NUMB: variants seen among roughly 807,000 people sequenced by gnomAD.
NUMB encodes the protein NUMB endocytic adaptor protein.
In NUMB, 29 loss-of-function variants were observed where a neutral mutation model predicts 59.7. The ratio of observed to expected loss-of-function variants is 0.49; its 90% CI spans 0.36 to 0.66. The LOEUF (loss-of-function observed/expected upper bound fraction) is 0.66, where lower values mean the gene tolerates loss of function less well. Among genes scored for constraint, NUMB ranks in the 30% least tolerant of loss-of-function variants. NUMB has a pLI of 0.00. For missense variants in NUMB, 723 were observed against 822.0 expected (o/e 0.88, Z 1.47); for synonymous variants, 288 against 288.2 (o/e 1.00, Z 0.01).
At chr14:73,307,176 G>A (rs1259808380) in intron 6 of NUMB, among the ~76,000 whole-genome samples, 1 of 152,122 alleles carries the variant, frequency 6.6e-6, no homozygotes, top group Non-Finnish European at 1.5e-5. Flanking sequence ...GGGTGTGGTG[G>A]CGGGCACCTG....
At chr14:73,441,345 C>T (rs1409868973) in intron 1 of NUMB, among the ~76,000 whole-genome samples, 1 of 151,922 alleles carries the variant, frequency 6.6e-6, no homozygotes, top group East Asian at 1.9e-4. Flanking sequence ...ATCAGGAATT[C>T]GAGTCCAACC....
intron 1 of NUMB, among the ~76,000 whole-genome samples, chr14:73,435,709 C>T (rs1898026025): frequency 6.6e-6 from 1 of 151,812 alleles, no homozygotes; most frequent in African/African-American, 2.4e-5. Context: ...ATTATAATAA[C>T]CAAAAACTAA....
intron 8 of NUMB, 128 bp downstream of exon 8, chr14:73,292,606 A>G: frequency 1.3e-6 from 1 of 787,542 alleles, no homozygotes; most frequent in Non-Finnish European, 2.0e-6. Flanking sequence ...AGGAGCTGAA[A>G]GTAGGCTAGT....
rs369160731 is a variant in NUMB, at chr14:73,276,696, A to C, written c.1838T>G (p.Val613Gly). The C allele has an allele frequency of 5.0e-5, 81 of 1,614,234 alleles. No homozygotes were observed. In the African/African-American group the frequency reaches 8.4e-4, roughly 17 times the overall value. ...HTEVPTGTCPVDPFEAQWAAL... is the reference protein window; with the variant it reads ...HTEVPTGTCPGDPFEAQWAAL... ...AGCCCACTGGGCTTCAAAAGGATCC[A>C]CTGGGCAGGTGCCTGTAGGAACCTC... The change falls in exon 13 of 13, where the codon GTG becomes GGG. Residue 613 changes from valine to glycine, a missense_variant. Val to Gly is a moderately radical substitution (Grantham distance 109). Coordinates refer to ENST00000555238, the MANE Select transcript of NUMB (RefSeq NM_001005743.2).
At chr14:73,439,829 G>C (rs1882890977) in intron 1 of NUMB, among the ~76,000 whole-genome samples, 2 of 152,064 alleles carry the variant, frequency 1.3e-5, no homozygotes, top group Non-Finnish European at 2.9e-5. Flanking sequence ...CATGTTTAAG[G>C]ACCTGACCCT....
intron 8 of NUMB, among the ~76,000 whole-genome samples, chr14:73,287,694 T>G (rs1022121923): frequency 4.6e-5 from 7 of 152,198 alleles, no homozygotes; most frequent in African/African-American, 1.7e-4. Flanking sequence ...TCTGTTTTTA[T>G]GAAAGCAAGA....
At chr14:73,326,752 A>T (rs1891683710) in intron 4 of NUMB, among the ~76,000 whole-genome samples, 1 of 152,252 alleles carries the variant, frequency 6.6e-6, no homozygotes, top group South Asian at 2.1e-4. Flanking sequence ...ATGTTCATTA[A>T]AAAGGAATTA....
intron 3 of NUMB, among the ~76,000 whole-genome samples, chr14:73,364,091 C>T (rs1034418145): frequency 2.0e-5 from 3 of 152,168 alleles, no homozygotes; most frequent in African/African-American, 4.8e-5. Context: ...ACTATGTGAT[C>T]ATCTTGTAAA....
intron 1 of NUMB, among the ~76,000 whole-genome samples, chr14:73,416,893 C>T (rs1566788007): frequency 6.6e-6 from 1 of 151,778 alleles, no homozygotes; most frequent in Admixed American, 6.6e-5. Context: ...TAAATGTTGC[C>T]TTTGGGCCCA....
At position 73,451,306 on chromosome 14, in the gene NUMB, G is replaced by T. The variant is rs184167435; in HGVS notation, c.-233+7187C>A. Among the ~76,000 whole-genome samples the T allele has an allele frequency of 6.6e-5, 10 of 151,466 alleles. No individual in the cohort carries two copies. The South Asian group carries it at 1.9e-3, about 28-fold the overall frequency. Reference sequence around the variant, plus strand: ...CAAAAAACTAGCCAGGTGTGGTGGCGTGTGCCTGTAGTCCCAGCTATTCGG... The same window carrying T: ...CAAAAAACTAGCCAGGTGTGGTGGCTTGTGCCTGTAGTCCCAGCTATTCGG... On this transcript the variant is annotated intron_variant, in intron 1 of 12. Transcript: ENST00000555238.
chr14:73,372,693 A>G (rs1240079280), intron 2 of NUMB, among the ~76,000 whole-genome samples: 1 of 151,926 alleles, frequency 6.6e-6, no homozygotes, highest in Non-Finnish European at 1.5e-5. Context: ...GACAAAAAAC[A>G]GTTTCAAAAT....
chr14:73,324,331 A>G (rs1033484368), intron 4 of NUMB, among the ~76,000 whole-genome samples: 4 of 152,156 alleles, frequency 2.6e-5, no homozygotes, highest in African/African-American at 9.7e-5. Flanking sequence ...GTAGCTCAGG[A>G]TGCCATAAAA....
chr14:73,310,568 T>G (rs879275337), intron 6 of NUMB, among the ~76,000 whole-genome samples: 1 of 152,234 alleles, frequency 6.6e-6, no homozygotes, highest in Non-Finnish European at 1.5e-5. Context: ...GAAAGAACTT[T>G]GCACTAAGTT....
chr14:73,287,291 T>C lies in NUMB; in HGVS notation c.474A>G (p.Val158=). ...CTAAACAGGCTGCAAAAGCACAGCCTACTGCATGGCTCAACCTTTCACCCT... is the reference window on the plus strand; with the variant it reads ...CTAAACAGGCTGCAAAAGCACAGCCCACTGCATGGCTCAACCTTTCACCCT... ...KDTGERLSHA[V]GCAFAACLER... Residue 158 remains valine, a synonymous_variant, in exon 9 of 13, where the codon GTA becomes GTG. Coordinates refer to ENST00000555238, the MANE Select transcript of NUMB (RefSeq NM_001005743.2). The C allele has an allele frequency of 6.2e-7, 1 of 1,613,572 alleles. No individual in the cohort carries two copies. The highest frequency in any genetic ancestry group is 8.5e-7 in the Non-Finnish European group (1 of 1,179,732).
At chr14:73,411,919 C>CT (rs935625343) in intron 1 of NUMB, among the ~76,000 whole-genome samples, 6,518 of 106,724 alleles carry the variant, frequency 0.061, 279 homozygotes, top group Middle Eastern at 0.1. Flanking sequence ...CAGCAATTAA[C>CT]TTTTTTTTTT....
chr14:73,384,712 C>T (rs1293403360), intron 2 of NUMB, among the ~76,000 whole-genome samples: 1 of 146,850 alleles, frequency 6.8e-6, no homozygotes, highest in Non-Finnish European at 1.5e-5. Context: ...AGATTATAGG[C>T]ACGTGCCACC....
chr14:73,417,109 T>A (rs10151605), intron 1 of NUMB, among the ~76,000 whole-genome samples: 35,546 of 151,394 alleles, frequency 0.23, 5,091 homozygotes, highest in East Asian at 0.68. Flanking sequence ...TCCCACTCCA[T>A]CCCCTTTCCA....
At chr14:73,366,211 G>C (rs1048353557) in intron 3 of NUMB, among the ~76,000 whole-genome samples, 1 of 151,544 alleles carries the variant, frequency 6.6e-6, no homozygotes, top group Non-Finnish European at 1.5e-5. Flanking sequence ...CCTTATATAT[G>C]TAAGGCTCTT....
At chr14:73,386,123 G>C (rs946352424) in intron 2 of NUMB, among the ~76,000 whole-genome samples, 25 of 151,940 alleles carry the variant, frequency 1.6e-4, no homozygotes, top group Admixed American at 1.6e-3. Flanking sequence ...GCAAGCCTCT[G>C]GTCTCAGCTA....
Sources: allele counts gnomAD v4.1 joint callset (sites outside exome capture counted in the v4.1 genomes callset), GRCh38; gene constraint gnomAD v4.1.1; transcripts MANE v1.5; gene names NCBI Gene and HGNC (gene_info 2026-07-23, HGNC 2026-07-21).